The following PKHD1 variants were observed in gnomAD, a reference collection of about 807,000 sequenced individuals.
PKHD1 encodes the protein PKHD1 ciliary IPT domain containing fibrocystin/polyductin.
In PKHD1, 291 loss-of-function variants were observed where a neutral mutation model predicts 412.0. The ratio of observed to expected loss-of-function variants is 0.71; its 90% CI spans 0.64 to 0.78. PKHD1 has a LOEUF of 0.78. Among genes scored for constraint, PKHD1 ranks in the 30% least tolerant of loss-of-function variants. PKHD1 has a pLI of 0.00. For synonymous variants in PKHD1, 1,777 were observed against 1,821.5 expected (o/e 0.98, Z 0.62); for missense variants, 4,825 against 4,950.7 (o/e 0.97, Z 0.76).
chr6:51,674,035 T>C (rs1234941584), intron 60 of PKHD1, among the ~76,000 whole-genome samples: 3 of 152,106 alleles, frequency 2.0e-5, no homozygotes, highest in Non-Finnish European at 4.4e-5. Flanking sequence ...GACATGTAGG[T>C]AGTGACTGAG....
intron 63 of PKHD1, among the ~76,000 whole-genome samples, chr6:51,643,515 T>G (rs1004237073): frequency 6.6e-6 from 1 of 152,120 alleles, no homozygotes; most frequent in Non-Finnish European, 1.5e-5. Flanking sequence ...TATGGGCAGA[T>G]TCTGACAAAA....
chr6:51,696,053 AT>A (rs1379535014), intron 60 of PKHD1, among the ~76,000 whole-genome samples: 1 of 152,240 alleles, frequency 6.6e-6, no homozygotes, highest in African/African-American at 2.4e-5. Context: ...CTTTATTTGA[AT>A]TGTAATAAAA....
At chr6:51,955,206 T>A (rs1434399060) in intron 36 of PKHD1, among the ~76,000 whole-genome samples, 3 of 151,734 alleles carry the variant, frequency 2.0e-5, no homozygotes, top group African/African-American at 7.3e-5. Flanking sequence ...TATTTTTTTT[T>A]TAAAAAAGGG....
Position 51,619,366 on chromosome 6 carries a change from G to A in PKHD1, c.11940C>T (p.His3980=). ...GAGCAGGAGCACCTGGAGCACAGATGTGCCCATGGGATGTGATGCCAGTAG... is the reference window on the plus strand; with the variant it reads ...GAGCAGGAGCACCTGGAGCACAGATATGCCCATGGGATGTGATGCCAGTAG... ...PGTTGITSHG[H]ICAPGAPAQQ... The change falls in exon 67 of 67, where the codon CAC becomes CAT. Residue 3980 remains histidine (H), a synonymous_variant. Coordinates refer to ENST00000371117, the MANE Select transcript of PKHD1 (RefSeq NM_138694.4). The A allele has an allele frequency of 1.2e-6, 2 of 1,614,116 alleles. No homozygotes were observed. Among genetic ancestry groups the A allele is most frequent in the Non-Finnish European group, 1.7e-6 (2 of 1,179,944 alleles).
chr6:51,626,866 A>C, intron 66 of PKHD1, 131 bp downstream of exon 66: 1 of 905,912 alleles, frequency 1.1e-6, no homozygotes, highest in South Asian at 1.4e-5. Context: ...AATTTCTTTG[A>C]AGGAAAGTAA....
intron 36 of PKHD1, among the ~76,000 whole-genome samples, chr6:51,947,384 C>T (rs1202681557): frequency 6.6e-6 from 1 of 152,064 alleles, no homozygotes; most frequent in African/African-American, 2.4e-5. Context: ...TAAAGAAAAC[C>T]TCATAAAATG....
chr6:51,890,586 G>A (rs987327453), intron 43 of PKHD1, among the ~76,000 whole-genome samples: 1 of 152,006 alleles, frequency 6.6e-6, no homozygotes, highest in African/African-American at 2.4e-5. Context: ...GGCACCGGAG[G>A]TAGTGTTTGA....
At position 51,791,361 on chromosome 6, in the gene PKHD1, A is replaced by T. The variant is rs750552431; in HGVS notation, c.8315T>A (p.Leu2772His). The T allele has an allele frequency of 6.8e-6, 11 of 1,613,632 alleles. No homozygotes were observed. The highest frequency in any genetic ancestry group is 9.3e-6 in the Non-Finnish European group (11 of 1,179,606). The change falls in exon 53 of 67, where the codon CTT (leucine) becomes CAT (histidine). Residue 2772 changes from leucine to histidine, a missense_variant. Physicochemically the swap from Leu to His is moderately conservative, Grantham distance 99. Coordinates refer to ENST00000371117, the MANE Select transcript of PKHD1 (RefSeq NM_138694.4). The stretch of plus-strand genomic sequence containing the variant: ...GAAGAATGGAAGATCTGTATCCACA[A>T]GGACAGTTCTGTCTGTGGAAGAAAA... The part of the protein sequence containing the change: ...DVLILPNRTV[L>H]VDTDLPFFKG...
chr6:51,946,082 T>A (rs754930215), intron 36 of PKHD1, among the ~76,000 whole-genome samples: 1 of 152,254 alleles, frequency 6.6e-6, no homozygotes, highest in African/African-American at 2.4e-5. Context: ...ACATGGGCTT[T>A]GTCCCTTTTA....
At chr6:51,882,903 TGTGTATA>T (rs1777606373) in intron 46 of PKHD1, among the ~76,000 whole-genome samples, 183 bp downstream of exon 46, 1 of 152,242 alleles carries the variant, frequency 6.6e-6, no homozygotes, top group Admixed American at 6.5e-5. Context: ...ACTAAAGCAC[TGTGTATA>T]TATGAGTTCT....
intron 43 of PKHD1, among the ~76,000 whole-genome samples, chr6:51,900,031 T>C (rs1017781465): frequency 4.6e-5 from 7 of 152,124 alleles, no homozygotes; most frequent in African/African-American, 1.7e-4. Context: ...TACAAACAAA[T>C]GGAAGAACAT....
At chr6:51,738,705 T>C (rs1426568229) in intron 60 of PKHD1, among the ~76,000 whole-genome samples, 1 of 152,210 alleles carries the variant, frequency 6.6e-6, no homozygotes, top group Non-Finnish European at 1.5e-5. Flanking sequence ...CCTGTCTATC[T>C]GCAACTGCTT....
At chr6:51,726,737 C>A (rs1455138388) in intron 60 of PKHD1, among the ~76,000 whole-genome samples, 4 of 152,192 alleles carry the variant, frequency 2.6e-5, no homozygotes, top group Non-Finnish European at 5.9e-5. Context: ...GAGAAAAAAT[C>A]TTGCAGAGAT....
rs147919449 is a variant in PKHD1 at position 52,025,101 on chromosome 6, T to C, written c.4709A>G (p.Tyr1570Cys). The change falls in exon 32 of 67, where the codon TAC (tyrosine) becomes TGC (cysteine). Residue 1570 changes from tyrosine to cysteine, a missense_variant. By Grantham distance (194) the Tyr-to-Cys change is radical. Transcript: ENST00000371117. ...ACSGNVSRHF[Y>C]IMPQVFHYFP... ...ATAATGAAACACTTGGGGCATAATG[T>C]AGAAGTGTCTGGAAACATTACCAGA... 3.1e-6 allele frequency: 5 copies of C among 1,614,186 alleles called. No individual in the cohort carries two copies. In the African/African-American group the frequency reaches 5.3e-5, roughly 17 times the overall value.
chr6:51,950,938 C>A (rs1160152840), intron 36 of PKHD1, among the ~76,000 whole-genome samples: 4 of 152,084 alleles, frequency 2.6e-5, no homozygotes, highest in Admixed American at 6.5e-5. Flanking sequence ...TGAATTGTCC[C>A]ACTTTAGAGA....
At chr6:51,797,510 T>C (rs1794797561) in intron 52 of PKHD1, among the ~76,000 whole-genome samples, 1 of 152,224 alleles carries the variant, frequency 6.6e-6, no homozygotes, top group Non-Finnish European at 1.5e-5. Flanking sequence ...ATATTTAGGA[T>C]AGTTAGCTCT....
chr6:51,903,782 T>G, intron 42 of PKHD1, 55 bp from the exon 43 acceptor site: 1 of 1,423,616 alleles, frequency 7.0e-7, no homozygotes, highest in East Asian at 2.3e-5. Context: ...TGTACTCAAC[T>G]CAACACCCTT....
At chr6:52,066,149 A>C in intron 11 of PKHD1, 72 bp from the exon 12 acceptor site, 2 of 686,154 alleles carry the variant, frequency 2.9e-6, no homozygotes, top group Non-Finnish European at 5.1e-6. Context: ...TAATAATATA[A>C]TAATAGGAGA....
At chr6:51,735,487 C>A (rs1402087920) in intron 60 of PKHD1, among the ~76,000 whole-genome samples, 1 of 152,146 alleles carries the variant, frequency 6.6e-6, no homozygotes, top group East Asian at 1.9e-4. Flanking sequence ...AATAATTGTA[C>A]AATCTCAGTT....
Sources: allele counts gnomAD v4.1 joint callset (sites outside exome capture counted in the v4.1 genomes callset), GRCh38; gene constraint gnomAD v4.1.1; transcripts MANE v1.5; gene names NCBI Gene and HGNC (gene_info 2026-07-23, HGNC 2026-07-21).